CEP128: variants seen among roughly 807,000 people sequenced by gnomAD.
The protein encoded by CEP128 is centrosomal protein 128.
In CEP128, 132 loss-of-function variants were observed where a neutral mutation model predicts 156.7. That is an observed-to-expected ratio of 0.84 (90% CI 0.73 to 0.97). The LOEUF (loss-of-function observed/expected upper bound fraction) is 0.97. Ranked by LOEUF, CEP128 falls within the 50% of genes least tolerant of loss-of-function variation. The probability of loss-of-function intolerance (pLI) is 0.00; values close to 1 mark genes in which losing one functional copy is unlikely to be tolerated. For synonymous variants in CEP128, 469 were observed against 448.9 expected (o/e 1.04, Z -0.57); for missense variants, 1,252 against 1,281.9 (o/e 0.98, Z 0.36).
Position 80,504,978 on chromosome 14 carries a change from C to G in CEP128, c.3115G>C (p.Asp1039His). 1 of 1,603,290 alleles carries G rather than the reference C, an allele frequency of 6.2e-7. No homozygotes were observed. Among genetic ancestry groups the G allele is most frequent in the Non-Finnish European group, 8.5e-7 (1 of 1,174,234 alleles). The change falls in exon 24 of 25, where the codon GAT (aspartate) becomes CAT (histidine). Residue 1039 changes from aspartate (D) to histidine (H), a missense_variant. Asp to His is a moderately conservative substitution (Grantham distance 81). Transcript: ENST00000555265. ...FLEGSHTRGL[D>H]HSSSWQDHSR... ...TGATCCTGCCAAGAGGATGAGTGAT[C>G]TAACCCACGAGTGTGGGAACCTTCC...
At chr14:80,645,952 GA>G (rs1301846292) in intron 19 of CEP128, among the ~76,000 whole-genome samples, 2 of 152,128 alleles carry the variant, frequency 1.3e-5, no homozygotes, top group African/African-American at 4.8e-5. Context: ...ATTACTACGT[GA>G]AAGAAACTCA....
chr14:80,632,092 T>G (rs1047294696), intron 19 of CEP128, among the ~76,000 whole-genome samples: 1 of 152,074 alleles, frequency 6.6e-6, no homozygotes, highest in Admixed American at 6.6e-5. Context: ...ATGTATAAAA[T>G]TATATACCTG....
rs927086296 is a variant in CEP128 at position 80,848,664 on chromosome 14, C to CA, written c.763-7897dup. On this transcript the variant is annotated intron_variant, in intron 9 of 24. Coordinates refer to ENST00000555265, the MANE Select transcript of CEP128 (RefSeq NM_152446.5). Reference sequence around the variant, plus strand: ...GACAGAGTAAGACTACATTTCAAAACAAAAAAAAAAAGAAAAAGAGAAGAA... The same window carrying CA: ...GACAGAGTAAGACTACATTTCAAAACAAAAAAAAAAAAGAAAAAGAGAAGAA... 3.3e-3 allele frequency among the ~76,000 whole-genome samples: 377 copies of CA among 115,846 alleles called. 1 individual carries two copies. The highest frequency in any genetic ancestry group is 4.5e-3 in the Non-Finnish European group (240 of 52,842). The allele number at this position is 115,846 out of a possible 152,430, so 76.0% of individuals were successfully genotyped here.
chr14:80,794,698 T>C (rs925454387), intron 13 of CEP128, among the ~76,000 whole-genome samples: 2 of 152,114 alleles, frequency 1.3e-5, no homozygotes, highest in Admixed American at 6.6e-5. Flanking sequence ...TAATAGGACA[T>C]AGTTTTAATA....
At chr14:80,499,883 C>T (rs181414533) in intron 24 of CEP128, among the ~76,000 whole-genome samples, 42 of 152,246 alleles carry the variant, frequency 2.8e-4, no homozygotes, top group African/African-American at 9.1e-4. Flanking sequence ...TTACTAAGCC[C>T]CCACTGTCTA....
chr14:80,759,907 GGTGTGTGTGTGT>G (rs3037144), intron 17 of CEP128, among the ~76,000 whole-genome samples: 22 of 150,342 alleles, frequency 1.5e-4, no homozygotes, highest in Admixed American at 2.6e-4. Context: ...CATATATATA[GGTGTGTGTGTGT>G]GTGTGTGTGT....
chr14:80,585,426 G>A (rs758752854), intron 19 of CEP128, among the ~76,000 whole-genome samples: 1 of 152,170 alleles, frequency 6.6e-6, no homozygotes, highest in Non-Finnish European at 1.5e-5. Flanking sequence ...GTCATGTCCA[G>A]GTGTGTATGA....
intron 19 of CEP128, among the ~76,000 whole-genome samples, chr14:80,593,485 G>A (rs996591379): frequency 6.1e-5 from 9 of 147,102 alleles, no homozygotes; most frequent in African/African-American, 1.3e-4. Context: ...AGCTTGCAGT[G>A]AGCCCAGATC....
chr14:80,516,194 A>G (rs1330749594), intron 23 of CEP128, among the ~76,000 whole-genome samples: 1 of 152,104 alleles, frequency 6.6e-6, no homozygotes, highest in East Asian at 1.9e-4. Context: ...AAATCTTGTC[A>G]TGACTGGGTC....
intron 8 of CEP128, among the ~76,000 whole-genome samples, chr14:80,893,937 T>C (rs546951359): frequency 8.4e-4 from 127 of 152,006 alleles, no homozygotes; most frequent in Non-Finnish European, 1.5e-3. Flanking sequence ...GTCCTTTTAA[T>C]AAATGGAAGT....
rs796158793 is a variant in CEP128 at position 80,497,940 on chromosome 14, G to C, written c.3182-358C>G. On this transcript the variant is annotated intron_variant, in intron 24 of 24. Transcript: ENST00000555265. The stretch of plus-strand genomic sequence containing the variant: ...AGAAATCTTAAGGGCTCCTTTTTAT[G>C]GAATCCTCTTTATTACAACTTCTAG... 2.6e-5 allele frequency among the ~76,000 whole-genome samples: 4 copies of C among 152,256 alleles called. No individual in the cohort carries two copies. The South Asian group carries it at 8.3e-4, about 32-fold the overall frequency.
chr14:80,549,413 G>C (rs1317105404), intron 21 of CEP128, among the ~76,000 whole-genome samples: 1 of 152,194 alleles, frequency 6.6e-6, no homozygotes, highest in Non-Finnish European at 1.5e-5. Flanking sequence ...AACTGTAACA[G>C]AGCACACTGC....
chr14:80,596,088 A>G (rs1176584800), intron 19 of CEP128, among the ~76,000 whole-genome samples: 2 of 152,012 alleles, frequency 1.3e-5, no homozygotes, highest in Admixed American at 1.3e-4. Flanking sequence ...GAGGAGAGAA[A>G]ATACAGAACA....
intron 19 of CEP128, among the ~76,000 whole-genome samples, chr14:80,613,100 C>T (rs1473028018): frequency 6.6e-6 from 1 of 150,748 alleles, no homozygotes; most frequent in Non-Finnish European, 1.5e-5. Context: ...AGGCAATCCG[C>T]CCACCTCGGC....
At chr14:80,675,592 G>C (rs1896027536) in intron 19 of CEP128, among the ~76,000 whole-genome samples, 1 of 151,924 alleles carries the variant, frequency 6.6e-6, no homozygotes, top group African/African-American at 2.4e-5. Flanking sequence ...ATTTTTGATT[G>C]AATTTTCATC....
rs183711126 is a variant in CEP128 at position 80,571,210 on chromosome 14, T to C, written c.2856+9164A>G. ...TTTTTTGGATCTGGACCGCAGGGGT[T>C]AGATTCATCACTGAGATCATATCTG... On this transcript the variant is annotated intron_variant, in intron 20 of 24. Coordinates refer to ENST00000555265, the MANE Select transcript of CEP128 (RefSeq NM_152446.5). 4.0e-3 allele frequency among the ~76,000 whole-genome samples: 602 copies of C among 152,338 alleles called. 10 individuals carry two copies. The highest frequency in any genetic ancestry group is 0.037 in the Admixed American group (564 of 15,292).
intron 13 of CEP128, among the ~76,000 whole-genome samples, chr14:80,812,904 G>A (rs1884644332): frequency 1.3e-5 from 2 of 151,796 alleles, no homozygotes; most frequent in African/African-American, 4.8e-5. Context: ...TTTCATTAAT[G>A]GCCATTCTGA....
chr14:80,903,517 T>C lies in CEP128; in HGVS notation c.480+1296A>G, dbSNP rs140733592. Among the ~76,000 whole-genome samples the C allele has an allele frequency of 2.2e-3, 339 of 152,012 alleles. 4 individuals carry two copies. The highest frequency in any genetic ancestry group is 0.012 in the Admixed American group (187 of 15,270). ...AGGCAAATGAGATCACATCAAAATA[T>C]AAAGCTTCTGCATAGCAAAAGAAAC... On this transcript the variant is annotated intron_variant, in intron 6 of 24. Coordinates refer to ENST00000555265, the MANE Select transcript of CEP128 (RefSeq NM_152446.5).
chr14:80,897,298 A>G (rs1863767), intron 7 of CEP128, among the ~76,000 whole-genome samples: 9,875 of 152,148 alleles, frequency 0.065, 1,066 homozygotes, highest in African/African-American at 0.23. Flanking sequence ...CCTAAATATT[A>G]TAACTCCTTG....
Sources: gnomAD v4.1 joint callset for allele counts (sites outside exome capture counted in the v4.1 genomes callset) on GRCh38, gnomAD v4.1.1 for gene constraint, MANE v1.5 for transcripts, NCBI Gene and HGNC (gene_info 2026-07-23, HGNC 2026-07-21) for gene names.